The following CCM2 variants were observed in gnomAD, a reference collection of about 807,000 sequenced individuals.
The protein encoded by CCM2 is CCM2 scaffold protein, also known as cerebral cavernous malformations 2 protein.
In CCM2, 25 loss-of-function variants were observed where a neutral mutation model predicts 44.9. The observed-to-expected ratio is 0.56, with a 90% CI of 0.41 to 0.78. The LOEUF (loss-of-function observed/expected upper bound fraction) is 0.78. Ranked by LOEUF, CCM2 falls within the 30% of genes least tolerant of loss-of-function variation. The probability of loss-of-function intolerance (pLI) is 0.00; values close to 1 mark genes in which losing one functional copy is unlikely to be tolerated. For synonymous variants in CCM2, 219 were observed against 241.1 expected, an observed-to-expected ratio of 0.91 and a Z score of 0.85; for missense variants, 481 against 580.6, an observed-to-expected ratio of 0.83 and a Z score of 1.76.
At chr7:45,014,844 A>G (rs750042706) in intron 1 of CCM2, among the ~76,000 whole-genome samples, 1 of 150,656 alleles carries the variant, frequency 6.6e-6, no homozygotes, top group African/African-American at 2.4e-5. Flanking sequence ...CTGACTGTGA[A>G]CTCCTGACAT....
intron 9 of CCM2, among the ~76,000 whole-genome samples, chr7:45,075,479 C>G (rs2128637419): frequency 6.6e-6 from 1 of 152,308 alleles, no homozygotes. Flanking sequence ...GAGAGGAGGC[C>G]ACAGGTTCTT....
intron 1 of CCM2, among the ~76,000 whole-genome samples, chr7:45,007,298 A>C (rs1348064765): frequency 3.3e-5 from 5 of 152,182 alleles, no homozygotes; most frequent in Non-Finnish European, 7.3e-5. Context: ...TGGCGGGAGC[A>C]GTGAGCCCAG....
intron 1 of CCM2, among the ~76,000 whole-genome samples, chr7:45,006,750 G>A (rs928755452): frequency 6.6e-5 from 10 of 152,164 alleles, no homozygotes; most frequent in African/African-American, 1.9e-4. Context: ...GACACAGAGA[G>A]GAATGATCAT....
At chr7:45,032,093 A>G (rs1014732176) in intron 1 of CCM2, among the ~76,000 whole-genome samples, 3 of 152,166 alleles carry the variant, frequency 2.0e-5, no homozygotes, top group African/African-American at 7.2e-5. Context: ...AATGGGTAGG[A>G]GTGGCAGAGG....
chr7:45,000,346 G>A lies in CCM2; in HGVS notation c.13G>A (p.Gly5Ser), dbSNP rs1795541792. 4 of 1,297,156 alleles carry A rather than the reference G, an allele frequency of 3.1e-6. No individual in the cohort carries two copies. Among genetic ancestry groups the A allele is most frequent in the Non-Finnish European group, 3.0e-6 (3 of 1,014,644 alleles). The allele number at this position is 1,297,156 out of a possible 1,614,324, so 80.4% of individuals were successfully genotyped here. Residue 5 changes from glycine (G) to serine (S), a missense_variant, in exon 1 of 10, where the codon GGC (glycine) becomes AGC (serine). Transcript: ENST00000258781. The stretch of plus-strand genomic sequence containing the variant: ...CGCACGCGGCGATATGGAAGAGGAG[G>A]GCAAGAAGGGCAAGAAGGTGAGCGT... MEEE[G>S]KKGKKPGIVS...
Position 45,025,829 on chromosome 7 carries a change from C to T in CCM2, c.31-12424C>T, listed in dbSNP as rs142097213. Among the ~76,000 whole-genome samples, 201 of 152,274 alleles carry T rather than the reference C, an allele frequency of 1.3e-3. 3 individuals carry two copies. The East Asian group carries it at 0.036, about 27-fold the overall frequency. ...GATTACAGGCGGGAGCCACTGCACC[C>T]GGCCGTTTTCTCTTTTTCATAGCTA... On this transcript the variant is annotated intron_variant, in intron 1 of 9. Coordinates refer to ENST00000258781, the MANE Select transcript of CCM2 (RefSeq NM_031443.4).
chr7:45,014,805 A>G (rs905543503), intron 1 of CCM2, among the ~76,000 whole-genome samples: 2 of 151,674 alleles, frequency 1.3e-5, no homozygotes, highest in Non-Finnish European at 2.9e-5. Flanking sequence ...AATTTTTATT[A>G]GAGACGGGGT....
intron 1 of CCM2, among the ~76,000 whole-genome samples, chr7:45,008,799 C>T (rs1321742482): frequency 6.6e-6 from 1 of 152,174 alleles, no homozygotes; most frequent in Admixed American, 6.5e-5. Flanking sequence ...TTAGATACAT[C>T]ACCTTTACAT....
chr7:45,064,242 C>T (rs957209640), intron 3 of CCM2, among the ~76,000 whole-genome samples: 5 of 152,162 alleles, frequency 3.3e-5, no homozygotes, highest in African/African-American at 9.7e-5. Flanking sequence ...AACCATGTGC[C>T]GTAAGTCTGA....
intron 1 of CCM2, among the ~76,000 whole-genome samples, chr7:45,008,424 C>T (rs1173498895): frequency 6.3e-4 from 90 of 142,300 alleles, no homozygotes; most frequent in African/African-American, 2.1e-3. Context: ...TGCAGTGGCG[C>T]GATCTCGGCT....
chr7:44,999,799 TGCTCCCGCGCGC>T (rs61705125), upstream of CCM2: 382,236 of 443,466 alleles, frequency 0.86, 165,574 homozygotes, highest in African/African-American at 0.97. Context: ...AAGTTGGAGC[TGCTCCCGCGCGC>T]GCTCCCGCGC....
intron 1 of CCM2, among the ~76,000 whole-genome samples, chr7:45,019,526 T>C (rs1796398748): frequency 6.6e-6 from 1 of 152,176 alleles, no homozygotes; most frequent in African/African-American, 2.4e-5. Context: ...TAAGCCCCTT[T>C]AACTTGGCAG....
chr7:45,048,805 T>C (rs1443991548), intron 2 of CCM2, among the ~76,000 whole-genome samples: 1 of 152,096 alleles, frequency 6.6e-6, no homozygotes, highest in Admixed American at 6.5e-5. Context: ...CAAGCTGACA[T>C]TTTCCCCAGT....
chr7:45,036,196 G>A (rs1398154837), intron 1 of CCM2, among the ~76,000 whole-genome samples: 5 of 152,196 alleles, frequency 3.3e-5, no homozygotes, highest in African/African-American at 1.2e-4. Flanking sequence ...CAGAGGCGTG[G>A]TGGCAGCGTT....
At chr7:45,073,612 G>C in intron 8 of CCM2, 41 bp downstream of exon 8, 1 of 1,462,138 alleles carries the variant, frequency 6.8e-7, no homozygotes, top group African/African-American at 1.4e-5. Flanking sequence ...CATGAGGGAG[G>C]GGGTGCCCCA....
chr7:45,066,768 G>C (rs1329253323), intron 4 of CCM2, among the ~76,000 whole-genome samples: 1 of 152,104 alleles, frequency 6.6e-6, no homozygotes, highest in Non-Finnish European at 1.5e-5. Context: ...GCATCCTTAG[G>C]CTGCCCACCC....
At chr7:45,047,498 C>G (rs1238814705) in intron 2 of CCM2, among the ~76,000 whole-genome samples, 2 of 152,192 alleles carry the variant, frequency 1.3e-5, no homozygotes, top group Non-Finnish European at 2.9e-5. Context: ...GATCATGCCA[C>G]TGTGCTCCAT....
chr7:45,060,507 C>T (rs1798469098), intron 2 of CCM2, among the ~76,000 whole-genome samples: 1 of 152,202 alleles, frequency 6.6e-6, no homozygotes, highest in South Asian at 2.1e-4. Context: ...TGGGGAACTT[C>T]TCAGCTCTCA....
At chr7:45,047,956 G>A (rs528343862) in intron 2 of CCM2, among the ~76,000 whole-genome samples, 7 of 152,338 alleles carry the variant, frequency 4.6e-5, no homozygotes, top group Non-Finnish European at 7.3e-5. Context: ...TGGCATGTCA[G>A]TGAGAGAATG....
Sources: allele counts gnomAD v4.1 joint callset (sites outside exome capture counted in the v4.1 genomes callset), GRCh38; gene constraint gnomAD v4.1.1; transcripts MANE v1.5; gene names NCBI Gene and HGNC (gene_info 2026-07-23, HGNC 2026-07-21).